Variants in PTPN4 observed in about 807,000 individuals in gnomAD.
PTPN4 encodes protein tyrosine phosphatase non-receptor type 4.
In PTPN4, 49 loss-of-function variants were observed where a neutral mutation model predicts 135.5. The ratio of observed to expected loss-of-function variants is 0.36; its 90% CI spans 0.29 to 0.46. The LOEUF (loss-of-function observed/expected upper bound fraction) is 0.46, where lower values mean the gene tolerates loss of function less well. Ranked by LOEUF, PTPN4 falls within the 20% of genes least tolerant of loss-of-function variation. PTPN4 has a pLI of 1.00. For synonymous variants in PTPN4, 333 were observed against 369.9 expected (o/e 0.90, Z 1.14); for missense variants, 860 against 1,101.0 (o/e 0.78, Z 3.10).
Position 119,882,494 on chromosome 2 carries a change from C to A in PTPN4, c.467-9C>A. 3.3e-6 allele frequency: 5 copies of A among 1,504,028 alleles called. No homozygotes were observed. Among genetic ancestry groups the A allele is most frequent in the Non-Finnish European group, 8.9e-7 (1 of 1,122,340 alleles). 93.2% of individuals were successfully genotyped at this position (1,504,028 alleles called of 1,614,324 possible). A position where few individuals can be genotyped will look rare whatever the true frequency, so the allele number is the denominator to read the frequency against. On this transcript the variant is annotated splice_polypyrimidine_tract_variant and intron_variant, in intron 7 of 26. Coordinates refer to ENST00000263708, the MANE Select transcript of PTPN4 (RefSeq NM_002830.4). ...TATTAAAATGTGAATGTTTTCCTTT[C>A]ATTATTAGCTGAACTTGGAGACTAC...
At chr2:119,802,635 G>T (rs562614639) in intron 1 of PTPN4, among the ~76,000 whole-genome samples, 1 of 152,140 alleles carries the variant, frequency 6.6e-6, no homozygotes, top group African/African-American at 2.4e-5. Flanking sequence ...TTTTATTAAG[G>T]GTTTTTGTGT....
intron 19 of PTPN4, among the ~76,000 whole-genome samples, chr2:119,954,739 A>G (rs1679256910): frequency 6.6e-6 from 1 of 152,188 alleles, no homozygotes; most frequent in South Asian, 2.1e-4. Context: ...CATCACAGAA[A>G]GAGGATGAAG....
At chr2:119,909,284 A>G (rs1211250112) in intron 10 of PTPN4, among the ~76,000 whole-genome samples, 1 of 152,148 alleles carries the variant, frequency 6.6e-6, no homozygotes, top group Non-Finnish European at 1.5e-5. Context: ...CTTGTTGCGG[A>G]ATAAAGTTGA....
chr2:119,958,120 AAAGT>A (rs1282741035), intron 22 of PTPN4, among the ~76,000 whole-genome samples: 2 of 152,056 alleles, frequency 1.3e-5, no homozygotes, highest in African/African-American at 4.8e-5. Flanking sequence ...ATGAATAAGA[AAAGT>A]AAGCCTCGGC....
chr2:119,912,872 T>C (rs1678594340), intron 10 of PTPN4, among the ~76,000 whole-genome samples: 1 of 152,146 alleles, frequency 6.6e-6, no homozygotes, highest in African/African-American at 2.4e-5. Flanking sequence ...CCATTTCCTG[T>C]TCTTTTCTAT....
rs994452511 is a variant in PTPN4 at position 119,979,617 on chromosome 2, C to T, written c.*2547C>T. ...CCATTACATCTAAGAACTTTTTAAC[C>T]TGTATATCAATCTAAATAGGTTTCT... On this transcript the variant is annotated 3_prime_UTR_variant, in exon 27 of 27. Transcript: ENST00000263708. 1.3e-5 allele frequency: 2 copies of T among 152,040 alleles called. No homozygotes were observed. The highest frequency in any genetic ancestry group is 2.4e-5 in the African/African-American group (1 of 41,430). The allele number at this position is 152,040 out of a possible 1,614,324, so 9.4% of individuals were successfully genotyped here. A position where few individuals can be genotyped will look rare whatever the true frequency, so the allele number is the denominator to read the frequency against.
At chr2:119,808,497 C>G (rs573589354) in intron 1 of PTPN4, among the ~76,000 whole-genome samples, 16 of 152,148 alleles carry the variant, frequency 1.1e-4, no homozygotes, top group Non-Finnish European at 2.9e-5. Context: ...AATAAAATAC[C>G]TAGGAATCCA....
chr2:119,877,350 A>G lies in PTPN4; in HGVS notation c.274A>G (p.Arg92Gly). The G allele has an allele frequency of 6.2e-7, 1 of 1,611,684 alleles. No individual in the cohort carries two copies. The highest frequency in any genetic ancestry group is 2.2e-5 in the East Asian group (1 of 44,758). Residue 92 changes from arginine to glycine, a missense_variant, in exon 4 of 27, where the codon AGG becomes GGG. This residue lies in a region of PTPN4 where 684 missense variants were observed against 807.0 expected (regional missense o/e 0.85). Transcript: ENST00000263708. The part of the protein sequence containing the change: ...PRWLDPNKPI[R>G]KQLKRGSPYS... ...GTGGCTGGATCCAAACAAACCAATA[A>G]GGAAGCAGCTAAAGAGTGAGCATAC...
intron 11 of PTPN4, among the ~76,000 whole-genome samples, chr2:119,918,250 C>T (rs1319594608): frequency 6.6e-6 from 1 of 152,126 alleles, no homozygotes; most frequent in Non-Finnish European, 1.5e-5. Flanking sequence ...GTATTAGTCA[C>T]AGGAAATATC....
At chr2:119,899,564 T>G (rs1678374438) in intron 9 of PTPN4, among the ~76,000 whole-genome samples, 2 of 152,176 alleles carry the variant, frequency 1.3e-5, no homozygotes, top group Admixed American at 6.5e-5. Context: ...TATTACAGAT[T>G]CTTTTGCTTT....
intron 18 of PTPN4, among the ~76,000 whole-genome samples, chr2:119,950,696 T>C (rs1172344698): frequency 6.6e-6 from 1 of 152,206 alleles, no homozygotes; most frequent in East Asian, 1.9e-4. Context: ...CAACCTGGCC[T>C]ATCATTCCTC....
chr2:119,871,793 G>A (rs181734613), intron 3 of PTPN4, among the ~76,000 whole-genome samples: 13 of 152,184 alleles, frequency 8.5e-5, no homozygotes, highest in African/African-American at 2.9e-4. Flanking sequence ...AAGGATAAAC[G>A]ATCATTCATC....
chr2:119,780,148 C>T (rs1356844194), intron 1 of PTPN4, among the ~76,000 whole-genome samples: 1 of 152,058 alleles, frequency 6.6e-6, no homozygotes, highest in Non-Finnish European at 1.5e-5. Flanking sequence ...TCTGTATAAT[C>T]TTGCATAGAT....
Position 119,760,126 on chromosome 2 carries a change from C to T in PTPN4, c.-276C>T. On this transcript the variant is annotated 5_prime_UTR_variant, in exon 1 of 27. Coordinates refer to ENST00000263708, the MANE Select transcript of PTPN4 (RefSeq NM_002830.4). ...GCACTTTTGGGGGTGTGGATTATCT[C>T]ATCCCTGCAGGGAGGTAGGAGAGGT... 1 of 391,292 alleles carries T rather than the reference C, an allele frequency of 2.6e-6. No homozygotes were observed. Among genetic ancestry groups the T allele is most frequent in the Non-Finnish European group, 4.5e-6 (1 of 221,724 alleles). The allele number at this position is 391,292 out of a possible 1,614,324, so 24.2% of individuals were successfully genotyped here.
intron 3 of PTPN4, among the ~76,000 whole-genome samples, chr2:119,863,976 T>A (rs950838703): frequency 1.3e-5 from 2 of 152,058 alleles, no homozygotes; most frequent in Non-Finnish European, 2.9e-5. Flanking sequence ...GAATGTAGTT[T>A]AAAGAGAGTT....
chr2:119,925,023 C>T (rs548453278), intron 12 of PTPN4, among the ~76,000 whole-genome samples: 33 of 152,272 alleles, frequency 2.2e-4, no homozygotes, highest in African/African-American at 7.9e-4. Context: ...ACAAACTACA[C>T]CTGCTACTAC....
At chr2:119,938,124 ATT>A (rs370292419) in intron 15 of PTPN4, among the ~76,000 whole-genome samples, 1,716 of 117,688 alleles carry the variant, frequency 0.015, 22 homozygotes, top group African/African-American at 0.051. Context: ...ATGTGGGATA[ATT>A]TTTTTTTTTT....
At chr2:119,781,763 C>A (rs1982669) in intron 1 of PTPN4, among the ~76,000 whole-genome samples, 1 of 152,022 alleles carries the variant, frequency 6.6e-6, no homozygotes, top group African/African-American at 2.4e-5. Context: ...CATACTCATT[C>A]GTTTACATAT....
chr2:119,950,658 G>C (rs1436403202), intron 18 of PTPN4, among the ~76,000 whole-genome samples: 1 of 151,912 alleles, frequency 6.6e-6, no homozygotes, highest in African/African-American at 2.4e-5. Flanking sequence ...TCCCTTTTTT[G>C]TAAGATCCAA....
Sources: gnomAD v4.1 joint callset for allele counts (sites outside exome capture counted in the v4.1 genomes callset) on GRCh38, gnomAD v4.1.1 for gene constraint, gnomAD v4.1.1 regional missense constraint, MANE v1.5 for transcripts, NCBI Gene and HGNC (gene_info 2026-07-23, HGNC 2026-07-21) for gene names.